FRMD4A: variants seen among roughly 807,000 people sequenced by gnomAD.
The protein encoded by FRMD4A is FERM domain containing 4A.
FRMD4A carries 29 observed loss-of-function variants against 129.1 expected under a neutral mutation model. That is an observed-to-expected ratio of 0.22 (90% confidence interval 0.17 to 0.31). FRMD4A has a LOEUF of 0.31. Ranked by LOEUF, FRMD4A falls within the 10% of genes least tolerant of loss-of-function variation. The pLI is 1.00. For missense variants in FRMD4A, 1,272 were observed against 1,375.8 expected, an observed-to-expected ratio of 0.92 and a Z score of 1.19; for synonymous variants, 634 against 571.6, an observed-to-expected ratio of 1.11 and a Z score of -1.56.
At chr10:14,125,341 T>G (rs1838773507) in intron 2 of FRMD4A, among the ~76,000 whole-genome samples, 1 of 152,142 alleles carries the variant, frequency 6.6e-6, no homozygotes, top group Non-Finnish European at 1.5e-5. Flanking sequence ...CCCATTAACA[T>G]GGAAGGGGGT....
At chr10:13,803,116 C>G (rs2093289736) in intron 4 of FRMD4A, among the ~76,000 whole-genome samples, 1 of 147,968 alleles carries the variant, frequency 6.8e-6, no homozygotes, top group Non-Finnish European at 1.5e-5. Flanking sequence ...ACCACTGCAC[C>G]CCAGCCTGGG....
chr10:13,943,138 T>C (rs1055577498), intron 2 of FRMD4A, among the ~76,000 whole-genome samples: 8 of 152,124 alleles, frequency 5.3e-5, no homozygotes, highest in Non-Finnish European at 7.4e-5. Flanking sequence ...CCGTGCTTTC[T>C]CACACGGCAA....
chr10:13,818,740 T>C (rs1213098924), intron 3 of FRMD4A, among the ~76,000 whole-genome samples: 2 of 152,222 alleles, frequency 1.3e-5, no homozygotes, highest in Non-Finnish European at 2.9e-5. Flanking sequence ...TTAAATAAAT[T>C]AGTCTGATCT....
intron 2 of FRMD4A, among the ~76,000 whole-genome samples, chr10:13,866,855 G>A (rs191693476): frequency 5.5e-4 from 84 of 152,270 alleles, no homozygotes; most frequent in African/African-American, 1.9e-3. Context: ...GGATGAGGCA[G>A]GAGAATCACT....
intron 2 of FRMD4A, chr10:14,008,399 C>A: frequency 3.9e-6 from 4 of 1,026,026 alleles, no homozygotes; most frequent in Non-Finnish European, 4.7e-6. Context: ...GCCCACGAAG[C>A]AGCATCTCTA....
chr10:14,201,294 C>T (rs1275355299), intron 2 of FRMD4A, among the ~76,000 whole-genome samples: 1 of 152,202 alleles, frequency 6.6e-6, no homozygotes, highest in Non-Finnish European at 1.5e-5. Flanking sequence ...CTTCTCTTTG[C>T]CTTTCAAGTT....
chr10:14,185,468 A>G (rs187852406), intron 2 of FRMD4A, among the ~76,000 whole-genome samples: 23 of 152,360 alleles, frequency 1.5e-4, no homozygotes, highest in Middle Eastern at 6.8e-3. Context: ...TAGTACAAAA[A>G]ACATTACAAC....
intron 2 of FRMD4A, among the ~76,000 whole-genome samples, chr10:14,243,777 T>G (rs1451456232): frequency 1.3e-5 from 2 of 150,668 alleles, no homozygotes; most frequent in East Asian, 1.9e-4. Flanking sequence ...GCTATTAAAC[T>G]GAACACTTAA....
At chr10:13,655,537 G>C (rs912976096) in intron 22 of FRMD4A, 3 of 111,552 alleles carry the variant, frequency 2.7e-5, no homozygotes, top group African/African-American at 1.4e-4. Context: ...CATTTGGCCA[G>C]TGGACCCTAA....
At chr10:13,843,877 T>G (rs939568596) in intron 3 of FRMD4A, among the ~76,000 whole-genome samples, 1 of 152,194 alleles carries the variant, frequency 6.6e-6, no homozygotes, top group Non-Finnish European at 1.5e-5. Flanking sequence ...GTGTAACCAC[T>G]CCCTGCAGAG....
intron 2 of FRMD4A, among the ~76,000 whole-genome samples, chr10:14,128,800 C>T (rs148177068): frequency 1.1e-4 from 17 of 152,174 alleles, no homozygotes; most frequent in Non-Finnish European, 2.4e-4. Context: ...CCCGACACCA[C>T]TTTCAGCATG....
intron 2 of FRMD4A, among the ~76,000 whole-genome samples, chr10:14,149,353 T>G (rs967305102): frequency 7.2e-5 from 11 of 152,180 alleles, no homozygotes; most frequent in Non-Finnish European, 8.8e-5. Flanking sequence ...ATGTATTTAT[T>G]TTTAGAGACA....
At chr10:14,078,044 C>T (rs1026548464) in intron 2 of FRMD4A, among the ~76,000 whole-genome samples, 3 of 152,150 alleles carry the variant, frequency 2.0e-5, no homozygotes, top group African/African-American at 7.2e-5. Flanking sequence ...TTCAATTCAC[C>T]TGATGATGAC....
intron 2 of FRMD4A, among the ~76,000 whole-genome samples, chr10:14,029,076 C>T (rs1967381): frequency 0.43 from 65,316 of 152,056 alleles, 14,910 homozygotes; most frequent in Non-Finnish European, 0.52. Flanking sequence ...AGGCAAACAC[C>T]GGAATTTGTT....
chr10:14,047,734 C>T lies in FRMD4A; in HGVS notation c.46-188822G>A, dbSNP rs139608147. ...AGAAATACTTTCTTTTGAGGGACTT[C>T]CAAGTCCAGGAAGTATGGGAGAATG... On this transcript the variant is annotated intron_variant, in intron 2 of 24. Coordinates refer to ENST00000357447, the MANE Select transcript of FRMD4A (RefSeq NM_018027.5). Among the ~76,000 whole-genome samples the T allele has an allele frequency of 3.5e-3, 532 of 152,272 alleles. 3 individuals carry two copies. Among genetic ancestry groups the T allele is most frequent in the African/African-American group, 0.011 (471 of 41,550 alleles).
At chr10:14,181,959 T>C (rs1390494424) in intron 2 of FRMD4A, among the ~76,000 whole-genome samples, 3 of 152,222 alleles carry the variant, frequency 2.0e-5, no homozygotes, top group African/African-American at 7.2e-5. Flanking sequence ...CCAAAGTGCA[T>C]GCTGGGATTA....
intron 2 of FRMD4A, among the ~76,000 whole-genome samples, chr10:14,329,110 C>T (rs550621104): frequency 3.1e-4 from 47 of 152,332 alleles, no homozygotes; most frequent in South Asian, 2.5e-3. Flanking sequence ...CCTCCATAAA[C>T]TCATCAGGCC....
At position 13,659,350 on chromosome 10, in the gene FRMD4A, C is replaced by A. The variant is rs372861237; in HGVS notation, c.2039G>T (p.Arg680Leu). 18 of 1,614,014 alleles carry A rather than the reference C, an allele frequency of 1.1e-5. No individual in the cohort carries two copies. The African/African-American group carries it at 2.3e-4, about 20-fold the overall frequency. The change falls in exon 21 of 25, where the codon CGG becomes CTG. Residue 680 changes from arginine to leucine, a missense_variant. Arg to Leu is a moderately radical substitution (Grantham distance 102, BLOSUM62 -2). Around this residue, in one of 2 missense-constraint regions of FRMD4A, gnomAD observed 972 missense variants for 892.3 expected, o/e 1.09. Coordinates refer to ENST00000357447, the MANE Select transcript of FRMD4A (RefSeq NM_018027.5). ...SMPSTPDLRV[R>L]SPHYVHSTRS... ...CGTGGAATGGACGTAGTGGGGACTC[C>A]GGACCCGCAGGTCTGGCGTGGACGG...
At chr10:14,093,657 A>G (rs1836780902) in intron 2 of FRMD4A, among the ~76,000 whole-genome samples, 1 of 152,158 alleles carries the variant, frequency 6.6e-6, no homozygotes, top group Non-Finnish European at 1.5e-5. Flanking sequence ...AATGTCTTTG[A>G]TTTCAACCAT....
Sources: allele counts gnomAD v4.1 joint callset (sites outside exome capture counted in the v4.1 genomes callset), GRCh38; gene constraint gnomAD v4.1.1; regional missense constraint gnomAD v4.1.1; transcripts MANE v1.5; gene names NCBI Gene and HGNC (gene_info 2026-07-23, HGNC 2026-07-21).